Variants in DSCAML1 observed in about 807,000 individuals in gnomAD.
DSCAML1 encodes DS cell adhesion molecule like 1.
DSCAML1 carries 38 observed loss-of-function variants against 200.5 expected under a neutral mutation model. The ratio of observed to expected loss-of-function variants is 0.19; its 90% CI spans 0.15 to 0.25. The LOEUF (loss-of-function observed/expected upper bound fraction) is 0.25, where lower values mean the gene tolerates loss of function less well. DSCAML1 is among the 10% of genes least tolerant of loss of function. The probability of loss-of-function intolerance (pLI) is 1.00; values close to 1 mark genes in which losing one functional copy is unlikely to be tolerated. For missense variants in DSCAML1, 2,223 were observed against 2,858.8 expected (o/e 0.78, Z 5.07); for synonymous variants, 1,215 against 1,165.0 (o/e 1.04, Z -0.87).
chr11:117,467,193 A>ACCCCCCCCCCCCCCCCCCCCCCCCCC (rs757481843), intron 16 of DSCAML1, among the ~76,000 whole-genome samples: 2 of 109,512 alleles, frequency 1.8e-5, no homozygotes, highest in African/African-American at 8.9e-5. Context: ...GTGCACACAC[A>ACCCCCCCCCCCCCCCCCCCCCCCCCC]CCTCCCCCCT....
chr11:117,429,426 C>T (rs145790822), intron 32 of DSCAML1, among the ~76,000 whole-genome samples: 12 of 152,070 alleles, frequency 7.9e-5, no homozygotes, highest in African/African-American at 2.2e-4. Context: ...TTTTTTGAGA[C>T]GGAGTCTCGC....
intron 1 of DSCAML1, among the ~76,000 whole-genome samples, chr11:117,790,267 C>T (rs2055436072): frequency 6.6e-6 from 1 of 152,194 alleles, no homozygotes; most frequent in African/African-American, 2.4e-5. Flanking sequence ...GGAGTTGGTC[C>T]AGAGGACTAT....
chr11:117,776,408 G>C (rs1445922279), intron 3 of DSCAML1, among the ~76,000 whole-genome samples: 2 of 151,998 alleles, frequency 1.3e-5, no homozygotes, highest in Non-Finnish European at 1.5e-5. Flanking sequence ...CCACAAACCC[G>C]CCTCTCATTC....
chr11:117,674,352 T>C (rs2053168989), intron 3 of DSCAML1, among the ~76,000 whole-genome samples: 1 of 152,010 alleles, frequency 6.6e-6, no homozygotes, highest in East Asian at 1.9e-4. Context: ...GGTAGGAAGT[T>C]TTGGGTTCTT....
intron 3 of DSCAML1, among the ~76,000 whole-genome samples, chr11:117,595,059 TACACACACAC>T (rs374932790): frequency 2.1e-5 from 3 of 143,816 alleles, no homozygotes; most frequent in Non-Finnish European, 4.6e-5. Flanking sequence ...GTCTTTCTCT[TACACACACAC>T]ACACACACAC....
At chr11:117,746,241 A>AAAG (rs1272562065) in intron 3 of DSCAML1, among the ~76,000 whole-genome samples, 2 of 151,264 alleles carry the variant, frequency 1.3e-5, no homozygotes, top group Non-Finnish European at 3.0e-5. Flanking sequence ...AAAAAAAAAA[A>AAAG]AAAAGTGCCT....
chr11:117,707,102 C>T (rs1007119343), intron 3 of DSCAML1, among the ~76,000 whole-genome samples: 2 of 152,140 alleles, frequency 1.3e-5, no homozygotes, highest in African/African-American at 4.8e-5. Context: ...GTTTTAAGTA[C>T]CTACAAAGCC....
At chr11:117,684,434 CTAAAAAA>C (rs1233200309) in intron 3 of DSCAML1, among the ~76,000 whole-genome samples, 1 of 50,296 alleles carries the variant, frequency 2.0e-5, no homozygotes, top group Non-Finnish European at 4.5e-5. Flanking sequence ...ATTTCATTAA[CTAAAAAA>C]AAAAAAAAAA....
intron 8 of DSCAML1, among the ~76,000 whole-genome samples, chr11:117,509,725 C>T (rs1363855183): frequency 6.6e-6 from 1 of 152,186 alleles, no homozygotes; most frequent in East Asian, 1.9e-4. Flanking sequence ...TGCCTTCTGA[C>T]CTGTGAGTCA....
intron 22 of DSCAML1, 60 bp from the exon 23 acceptor site, chr11:117,439,489 C>A: frequency 6.4e-7 from 1 of 1,569,990 alleles, no homozygotes; most frequent in South Asian, 1.2e-5. Flanking sequence ...TCCTGAGGCC[C>A]TCCCCCCGGT....
intron 19 of DSCAML1, among the ~76,000 whole-genome samples, chr11:117,457,204 C>T (rs901952455): frequency 2.0e-5 from 3 of 152,168 alleles, no homozygotes; most frequent in Admixed American, 6.5e-5. Flanking sequence ...CGCCGCCTCC[C>T]GAAGGTGAGG....
Position 117,518,672 on chromosome 11 carries a change from G to A in DSCAML1, c.1304C>T (p.Pro435Leu), listed in dbSNP as rs1392885362. 5.0e-6 allele frequency: 8 copies of A among 1,613,288 alleles called. No individual in the cohort carries two copies. The highest frequency in any genetic ancestry group is 2.2e-5 in the South Asian group (2 of 91,070). The change falls in exon 7 of 33, where the codon CCG becomes CTG. Residue 435 changes from proline to leucine, a missense_variant. Physicochemically the swap from Pro to Leu is moderately conservative, Grantham distance 98. Coordinates refer to ENST00000651296, the MANE Select transcript of DSCAML1 (RefSeq NM_020693.4). This position sits in a 1 kb window ranked among gnomAD's most constrained non-coding sequence, Gnocchi z 6.3. ...GAGGGCCCAGGTGACCGTGGGGGGCGGGGCGCCCTTGGCCGCACACATCAG... is the reference window on the plus strand; with the variant it reads ...GAGGGCCCAGGTGACCGTGGGGGGCAGGGCGCCCTTGGCCGCACACATCAG... ...FSLMCAAKGA[P>L]PPTVTWALDD... is the part of the protein sequence containing the mutation.
intron 3 of DSCAML1, among the ~76,000 whole-genome samples, chr11:117,563,653 G>A (rs760542874): frequency 1.3e-5 from 2 of 152,180 alleles, no homozygotes; most frequent in African/African-American, 2.4e-5. Context: ...TTTGGAAAAT[G>A]TAAAAGCATT....
intron 20 of DSCAML1, among the ~76,000 whole-genome samples, chr11:117,445,196 T>C (rs1214088031): frequency 1.3e-5 from 2 of 152,138 alleles, no homozygotes; most frequent in African/African-American, 4.8e-5. Flanking sequence ...GGAGGAGACA[T>C]CCTTTTTGGC....
chr11:117,751,489 C>A (rs998328400), intron 3 of DSCAML1, among the ~76,000 whole-genome samples: 1 of 151,846 alleles, frequency 6.6e-6, no homozygotes, highest in Non-Finnish European at 1.5e-5. Flanking sequence ...TTTCTCACCC[C>A]TCTCAAGCTA....
rs1164562542 is a variant in DSCAML1, at chr11:117,432,473, A to G, written c.5058T>C (p.Asp1686=). The change falls in exon 30 of 33, where the codon GAT becomes GAC. Residue 1686 remains aspartate, a synonymous_variant. Coordinates refer to ENST00000651296, the MANE Select transcript of DSCAML1 (RefSeq NM_020693.4). ...GGTTGACAGCTTGGCTGAACTCAGC[A>G]TCTGTCACAGGGATGGTGGCCTTGT... ...GDDKATIPVT[D]AEFSQAVNPQ... The G allele has an allele frequency of 1.1e-5, 17 of 1,614,116 alleles. No individual in the cohort carries two copies. The highest frequency in any genetic ancestry group is 1.4e-5 in the Non-Finnish European group (16 of 1,180,050).
At chr11:117,525,621 A>G (rs543510230) in intron 4 of DSCAML1, among the ~76,000 whole-genome samples, 45 of 152,078 alleles carry the variant, frequency 3.0e-4, no homozygotes, top group African/African-American at 9.4e-4. Flanking sequence ...CACCACACCC[A>G]GCTATTTTTT....
In DSCAML1 at chr11:117,489,049, T is replaced by A. The variant is rs146478544; in HGVS notation, c.2360-6887A>T. ...AACCACGAAAGCAAGTCTTATCATC[T>A]CCACTTTTCAAATGAGGAAACTGAG... On this transcript the variant is annotated intron_variant, in intron 11 of 32. Coordinates refer to ENST00000651296, the MANE Select transcript of DSCAML1 (RefSeq NM_020693.4). This position sits in a 1 kb window ranked among gnomAD's most constrained non-coding sequence, Gnocchi z 4.8. Among the ~76,000 whole-genome samples, 123 of 152,346 alleles carry A rather than the reference T, an allele frequency of 8.1e-4. No individual in the cohort carries two copies. Among genetic ancestry groups the A allele is most frequent in the Admixed American group, 2.7e-3 (42 of 15,308 alleles).
At position 117,437,016 on chromosome 11, in the gene DSCAML1, C is replaced by T. The variant is rs137879903; in HGVS notation, c.4720+106G>A. ...GCATTTCCCCCACCTGCATTCCTGCCTGTTTTTCTATTAGTCTGTCTCTTT... is the reference window on the plus strand; with the variant it reads ...GCATTTCCCCCACCTGCATTCCTGCTTGTTTTTCTATTAGTCTGTCTCTTT... On this transcript the variant is annotated intron_variant, in intron 26 of 32. Coordinates refer to ENST00000651296, the MANE Select transcript of DSCAML1 (RefSeq NM_020693.4). This position sits in a 1 kb window ranked among gnomAD's most constrained non-coding sequence, Gnocchi z 5.3. 1,049 of 1,439,302 alleles carry T rather than the reference C, an allele frequency of 7.3e-4. 3 individuals carry two copies. In the Middle Eastern group the frequency reaches 0.01, roughly 14 times the overall value. 89.2% of individuals were successfully genotyped at this position (1,439,302 alleles called of 1,614,324 possible).
Sources: gnomAD v4.1 joint callset for allele counts (sites outside exome capture counted in the v4.1 genomes callset) on GRCh38, gnomAD v4.1.1 for gene constraint, Gnocchi (gnomAD v3.1) non-coding constraint, MANE v1.5 for transcripts, NCBI Gene and HGNC (gene_info 2026-07-23, HGNC 2026-07-21) for gene names.